Variants in RPL18 observed in about 807,000 individuals in gnomAD.
RPL18 encodes the protein ribosomal protein L18, also known as large ribosomal subunit protein eL18.
In RPL18, 4 loss-of-function variants were observed where a neutral mutation model predicts 25.0. The observed-to-expected ratio is 0.16, with a 90% CI of 0.08 to 0.37. RPL18 has a LOEUF of 0.37. Among genes scored for constraint, RPL18 ranks in the 10% least tolerant of loss-of-function variants. RPL18 has a pLI of 1.00. For missense variants in RPL18, 179 were observed against 267.9 expected (o/e 0.67, Z 2.32); for synonymous variants, 129 against 101.6 (o/e 1.27, Z -1.62).
chr19:48,615,843 G>T, intron 6 of RPL18, 34 bp downstream of exon 6: 1 of 1,572,256 alleles, frequency 6.4e-7, no homozygotes, highest in East Asian at 2.3e-5. Flanking sequence ...GGCTGAGTCT[G>T]GGGAGAGGGC....
At chr19:48,615,805 C>G in intron 6 of RPL18, 72 bp downstream of exon 6, 4 of 1,375,006 alleles carry the variant, frequency 2.9e-6, no homozygotes, top group Non-Finnish European at 3.0e-6. Context: ...GGAGAAGCAG[C>G]CCAAGTGTGG....
chr19:48,618,199 T>C (rs1974243898), intron 1 of RPL18: 1 of 229,056 alleles, frequency 4.4e-6, no homozygotes, highest in African/African-American at 2.3e-5. Context: ...CCCGGAGGGA[T>C]AACCAAAAAT....
intron 1 of RPL18, chr19:48,618,846 A>C: frequency 1.9e-6 from 1 of 520,072 alleles, no homozygotes. Flanking sequence ...AATAACTAAG[A>C]GTGGCTGCGG....
chr19:48,617,666 C>T (rs1222026996), intron 2 of RPL18, 125 bp downstream of exon 2: 2 of 759,052 alleles, frequency 2.6e-6, no homozygotes, highest in Admixed American at 5.0e-5. Context: ...GACCCTGGAA[C>T]AGAACCAGAG....
rs560726564 is a variant in RPL18 at position 48,615,668 on chromosome 19, A to ATGCTCCCCAGGAGATGCC, written c.491+191_491+208dup. On this transcript the variant is annotated intron_variant, in intron 6 of 6. Coordinates refer to ENST00000549920, the MANE Select transcript of RPL18 (RefSeq NM_000979.4). ...GGGCTGGCAAAGGCCGGTGAACTGCATGCTCCCCAGGAGATGCCTGCTCAG... is the reference window on the plus strand; with the variant it reads ...GGGCTGGCAAAGGCCGGTGAACTGCATGCTCCCCAGGAGATGCCTGCTCCCCAGGAGATGCCTGCTCAG... 5.9e-4 allele frequency: 378 copies of ATGCTCCCCAGGAGATGCC among 644,808 alleles called. No individual in the cohort carries two copies. In the African/African-American group the frequency reaches 6.3e-3, roughly 11 times the overall value. The allele number at this position is 644,808 out of a possible 1,614,324, so 39.9% of individuals were successfully genotyped here.
intron 4 of RPL18, 99 bp from the exon 5 acceptor site, chr19:48,616,301 T>C (rs1974169996): frequency 4.0e-6 from 6 of 1,485,378 alleles, no homozygotes; most frequent in Non-Finnish European, 5.5e-6. Flanking sequence ...AGAGCCCTGG[T>C]AACCAACACT....
chr19:48,615,582 A>T, intron 6 of RPL18, 135 bp from the exon 7 acceptor site: 1 of 768,794 alleles, frequency 1.3e-6, no homozygotes. Context: ...CAGAGTGGGA[A>T]GCCAAGGAGC....
chr19:48,616,764 T>C lies in RPL18; in HGVS notation c.259A>G (p.Thr87Ala). The C allele has an allele frequency of 6.2e-7, 1 of 1,613,932 alleles. No individual in the cohort carries two copies. The highest frequency in any genetic ancestry group is 8.5e-7 in the Non-Finnish European group (1 of 1,179,930). ...ACCTCCTGAACCCGCACATCATCAG[T>C]TATGGTCCCCACAACCACGGCCGTC... ...NKTAVVVGTI[T>A]DDVRVQEVPK... is the part of the protein sequence containing the mutation. The change falls in exon 4 of 7, where the codon ACT (threonine) becomes GCT (alanine). Residue 87 changes from threonine (T) to alanine (A), a missense_variant. Coordinates refer to ENST00000549920, the MANE Select transcript of RPL18 (RefSeq NM_000979.4).
Position 48,617,799 on chromosome 19 carries a change from A to G in RPL18, c.82T>C (p.Leu28=), listed in dbSNP as rs370161863. 65 of 1,613,774 alleles carry G rather than the reference A, an allele frequency of 4.0e-5. No individual in the cohort carries two copies. Among genetic ancestry groups the G allele is most frequent in the African/African-American group, 6.7e-5 (5 of 74,918 alleles). The part of the protein sequence containing the change: ...PKSQDIYLRL[L]VKLYRFLARR... ...TCAGGGCCCAGCCTCACCTTGACCA[A>G]CAGCCTCAGGTAGATATCCTGGCTC... Residue 28 remains leucine, a synonymous_variant, in exon 2 of 7, where the codon TTG becomes CTG. Coordinates refer to ENST00000549920, the MANE Select transcript of RPL18 (RefSeq NM_000979.4).
At position 48,618,653 on chromosome 19, in the gene RPL18, A is replaced by G. The variant is rs1974263533; in HGVS notation, c.3+488T>C. The G allele has an allele frequency of 2.1e-5, 4 of 192,436 alleles. No individual in the cohort carries two copies. The South Asian group carries it at 3.3e-4, about 16-fold the overall frequency. The allele number at this position is 192,436 out of a possible 1,614,324, so 11.9% of individuals were successfully genotyped here. A position where few individuals can be genotyped will look rare whatever the true frequency, so the allele number is the denominator to read the frequency against. On this transcript the variant is annotated intron_variant, in intron 1 of 6. Transcript: ENST00000549920. Reference sequence around the variant, plus strand: ...TGAGATTACTGTGTACCCAACGAACAGCCAGACACTGGGGCAAAGGCTCAA... The same window carrying G: ...TGAGATTACTGTGTACCCAACGAACGGCCAGACACTGGGGCAAAGGCTCAA...
intron 3 of RPL18, 147 bp downstream of exon 3, chr19:48,617,169 C>T: frequency 1.3e-6 from 1 of 779,720 alleles, no homozygotes; most frequent in Non-Finnish European, 2.3e-6. Flanking sequence ...CAGTTCCAAC[C>T]AACAGTCCAA....
At position 48,616,286 on chromosome 19, in the gene RPL18, G is replaced by A. The variant is rs1419331208; in HGVS notation, c.298-84C>T. 12 of 1,551,108 alleles carry A rather than the reference G, an allele frequency of 7.7e-6. 1 individual carries two copies. Among genetic ancestry groups the A allele is most frequent in the South Asian group, 4.6e-5 (4 of 86,472 alleles). The stretch of plus-strand genomic sequence containing the variant: ...AGGACTCACCCTCCACTGCCTTGGC[G>A]CAGCAGAGCCCTGGTAACCAACACT... On this transcript the variant is annotated intron_variant, in intron 4 of 6. Transcript: ENST00000549920.
Position 48,616,170 on chromosome 19 carries a change from G to T in RPL18, c.330C>A (p.Arg110=). 1 of 1,614,028 alleles carries T rather than the reference G, an allele frequency of 6.2e-7. No individual in the cohort carries two copies. The highest frequency in any genetic ancestry group is 8.5e-7 in the Non-Finnish European group (1 of 1,180,014). Residue 110 remains arginine (R), a synonymous_variant, in exon 5 of 7, where the codon CGC becomes CGA. Transcript: ENST00000549920. ...TGCCCCCTGCCCTGAGGATGCGGCT[G>T]CGGGCCCGGCTGGTCACGCGCAGTG... ...VCALRVTSRA[R]SRILRAGGKI...
chr19:48,616,406 T>C, intron 4 of RPL18: 1 of 672,838 alleles, frequency 1.5e-6, no homozygotes, highest in South Asian at 1.9e-5. Flanking sequence ...TGCTAGAAAC[T>C]ACAGCAAGGA....
chr19:48,615,461 AGGGAGTGAGAGGG>A lies in RPL18; in HGVS notation c.492-27_492-15del. 6.2e-7 allele frequency: 1 copy of A among 1,601,440 alleles called. No homozygotes were observed. The highest frequency in any genetic ancestry group is 8.5e-7 in the Non-Finnish European group (1 of 1,171,628). On this transcript the variant is annotated splice_polypyrimidine_tract_variant and intron_variant, in intron 6 of 6. Transcript: ENST00000549920. ...CGGACGTAGGGTCTGTGGGGAGAGG[AGGGAGTGAGAGGG>A]GGGCCCTCTTAAAGGAGGCCATTGT...
chr19:48,615,476 G>A (rs201895867), intron 6 of RPL18, 29 bp from the exon 7 acceptor site: 1 of 1,575,380 alleles, frequency 6.3e-7, no homozygotes, highest in South Asian at 1.1e-5. Flanking sequence ...GTGAGAGGGG[G>A]GCCCTCTTAA....
At chr19:48,616,909 G>C (rs1300147048) in intron 3 of RPL18, 85 bp from the exon 4 acceptor site, 3 of 1,025,490 alleles carry the variant, frequency 2.9e-6, no homozygotes, top group Non-Finnish European at 4.6e-6. Flanking sequence ...CAGGGCAGCT[G>C]TGCCCTCTAA....
Position 48,617,324 on chromosome 19 carries a change from A to T in RPL18, c.190T>A (p.Ser64Thr). The T allele has an allele frequency of 6.2e-7, 1 of 1,613,852 alleles. No individual in the cohort carries two copies. Among genetic ancestry groups the T allele is most frequent in the Non-Finnish European group, 8.5e-7 (1 of 1,179,742 alleles). ...SRTNRPPLSL[S>T]RMIRKMKLPG... ...CTGGACCAGCCACTCACCATCCGGG[A>T]AAGGGACAGAGGCGGCCGGTTGGTG... The change falls in exon 3 of 7, where the codon TCC becomes ACC. Residue 64 changes from serine (S) to threonine (T), a missense_variant. Physicochemically the swap from Ser to Thr is moderately conservative, Grantham distance 58. Coordinates refer to ENST00000549920, the MANE Select transcript of RPL18 (RefSeq NM_000979.4).
At position 48,616,694 on chromosome 19, in the gene RPL18, C is replaced by T. The variant is rs373625897; in HGVS notation, c.297+32G>A. On this transcript the variant is annotated intron_variant, in intron 4 of 6. Transcript: ENST00000549920. ...CAGCACAGCACAGTACAGCAAGGGT[C>T]TGATGGGTCTGCCCAGCCCCCGCCA... 110 of 1,422,120 alleles carry T rather than the reference C, an allele frequency of 7.7e-5. 1 individual carries two copies. Among genetic ancestry groups the T allele is most frequent in the Admixed American group, 3.2e-4 (19 of 59,776 alleles). 88.1% of individuals were successfully genotyped at this position (1,422,120 alleles called of 1,614,324 possible).
Sources: gnomAD v4.1 joint callset for allele counts on GRCh38, gnomAD v4.1.1 for gene constraint, MANE v1.5 for transcripts, NCBI Gene and HGNC (gene_info 2026-07-23, HGNC 2026-07-21) for gene names.